ARID5B: variants seen among roughly 807,000 people sequenced by gnomAD.
The protein encoded by ARID5B is AT-rich interaction domain 5B, also known as AT-rich interactive domain-containing protein 5B.
ARID5B carries 13 observed loss-of-function variants against 97.2 expected under a neutral mutation model. The observed-to-expected ratio is 0.13, with a 90% CI of 0.09 to 0.21. The LOEUF (loss-of-function observed/expected upper bound fraction) is 0.21, where lower values mean the gene tolerates loss of function less well. ARID5B is among the 10% of genes least tolerant of loss of function. The pLI is 1.00. For missense variants in ARID5B, 1,210 were observed against 1,465.3 expected, an observed-to-expected ratio of 0.83 and a Z score of 2.84; for synonymous variants, 556 against 570.3, an observed-to-expected ratio of 0.97 and a Z score of 0.36.
At position 62,092,458 on chromosome 10, in the gene ARID5B, C is replaced by G; in HGVS notation, c.2995C>G (p.Arg999Gly). ...AGGCATGGTCCACCCAATCCTGCAC[C>G]GGAAAATGAGCCCGCAGAACATTGG... ...MEGMVHPILH[R>G]KMSPQNIGAA... Residue 999 changes from arginine to glycine, a missense_variant, in exon 10 of 10, where the codon CGG (arginine) becomes GGG (glycine). Transcript: ENST00000279873. 2 of 1,614,172 alleles carry G rather than the reference C, an allele frequency of 1.2e-6. No homozygotes were observed. Among genetic ancestry groups the G allele is most frequent in the East Asian group, 2.2e-5 (1 of 44,886 alleles).
At chr10:62,069,975 CA>C (rs1433380678) in intron 8 of ARID5B, among the ~76,000 whole-genome samples, 178 bp downstream of exon 8, 3 of 151,456 alleles carry the variant, frequency 2.0e-5, no homozygotes. Flanking sequence ...TCTCTTGTTA[CA>C]GGGGCTAAAA....
At chr10:61,951,759 G>T (rs774143561) in intron 3 of ARID5B, among the ~76,000 whole-genome samples, 1 of 152,186 alleles carries the variant, frequency 6.6e-6, no homozygotes, top group Non-Finnish European at 1.5e-5. Flanking sequence ...ATGAATGCAT[G>T]TATCAGTGAG....
intron 8 of ARID5B, among the ~76,000 whole-genome samples, chr10:62,082,389 C>G (rs183460790): frequency 4.5e-4 from 68 of 152,304 alleles, no homozygotes; most frequent in African/African-American, 1.6e-3. Flanking sequence ...TATTGCTTCT[C>G]TTCCCCATTA....
In ARID5B at chr10:62,021,029, AATATATATATATATAT is replaced by A. The variant is rs10528323; in HGVS notation, c.733+20733_733+20748del. 1.8e-3 allele frequency among the ~76,000 whole-genome samples: 187 copies of A among 106,846 alleles called. 3 individuals carry two copies. Among genetic ancestry groups the A allele is most frequent in the South Asian group, 6.2e-3 (18 of 2,902 alleles). 70.1% of individuals were successfully genotyped at this position (106,846 alleles called of 152,430 possible). A position where few individuals can be genotyped will look rare whatever the true frequency, so the allele number is the denominator to read the frequency against. On this transcript the variant is annotated intron_variant, in intron 4 of 9. Coordinates refer to ENST00000279873, the MANE Select transcript of ARID5B (RefSeq NM_032199.3). Reference sequence around the variant, plus strand: ...ACTGGGATCATGGGTTTGTCACATGAATATATATATATATATATATATATATATATATATATATATC... The same window carrying A: ...ACTGGGATCATGGGTTTGTCACATGAATATATATATATATATATATATATC...
In ARID5B at chr10:62,000,461, A is replaced by G. The variant is rs1839062248; in HGVS notation, c.733+140A>G. On this transcript the variant is annotated intron_variant, in intron 4 of 9. Coordinates refer to ENST00000279873, the MANE Select transcript of ARID5B (RefSeq NM_032199.3). The surrounding 1 kb of genome is among the most constrained non-coding windows in gnomAD (Gnocchi z 4.4). Reference sequence around the variant, plus strand: ...CTGCCCCACCCCTCCCATCCCCCAAATTATTGCGGCATAAGGCGTCATTGC... The same window carrying G: ...CTGCCCCACCCCTCCCATCCCCCAAGTTATTGCGGCATAAGGCGTCATTGC... 1.4e-6 allele frequency: 1 copy of G among 727,934 alleles called. No individual in the cohort carries two copies. The highest frequency in any genetic ancestry group is 1.8e-5 in the African/African-American group (1 of 55,946). 45.1% of individuals were successfully genotyped at this position (727,934 alleles called of 1,614,324 possible).
At chr10:61,992,741 T>A (rs1838943890) in intron 3 of ARID5B, among the ~76,000 whole-genome samples, 1 of 152,204 alleles carries the variant, frequency 6.6e-6, no homozygotes, top group Non-Finnish European at 1.5e-5. Context: ...GCCAATCTCC[T>A]TGTTCTGTTA....
At chr10:61,994,594 C>T (rs1038169737) in intron 3 of ARID5B, among the ~76,000 whole-genome samples, 3 of 152,170 alleles carry the variant, frequency 2.0e-5, no homozygotes, top group Non-Finnish European at 2.9e-5. Context: ...AAGGCCTGCT[C>T]TTACCCTTTC....
intron 3 of ARID5B, among the ~76,000 whole-genome samples, chr10:61,956,576 C>T (rs1212416329): frequency 1.3e-5 from 2 of 152,228 alleles, no homozygotes; most frequent in African/African-American, 4.8e-5. Flanking sequence ...TCAGCACTCT[C>T]TGTCCCCACT....
chr10:61,917,734 G>C (rs934862349), intron 2 of ARID5B, among the ~76,000 whole-genome samples: 1 of 152,156 alleles, frequency 6.6e-6, no homozygotes, highest in African/African-American at 2.4e-5. Flanking sequence ...AAGAACCGTT[G>C]GTCCCAAAGG....
intron 3 of ARID5B, among the ~76,000 whole-genome samples, chr10:61,974,094 AATTTAGCCTC>A (rs1838667627): frequency 6.6e-6 from 1 of 152,214 alleles, no homozygotes; most frequent in Non-Finnish European, 1.5e-5. Context: ...ACTTTGGCTA[AATTTAGCCTC>A]TGGAGTCCAA....
chr10:62,057,431 C>T, intron 6 of ARID5B, 113 bp downstream of exon 6: 1 of 1,075,774 alleles, frequency 9.3e-7, no homozygotes, highest in Non-Finnish European at 1.3e-6. Flanking sequence ...GGATAGTGCT[C>T]TCTGTTTATA....
At chr10:61,971,481 T>C (rs1468286594) in intron 3 of ARID5B, among the ~76,000 whole-genome samples, 1 of 152,360 alleles carries the variant, frequency 6.6e-6, no homozygotes, top group East Asian at 1.9e-4. Flanking sequence ...ATTCTAATAA[T>C]GCAAAGTCAG....
At position 61,910,737 on chromosome 10, in the gene ARID5B, A is replaced by G. The variant is rs76494701; in HGVS notation, c.276+8324A>G. Among the ~76,000 whole-genome samples the G allele has an allele frequency of 7.4e-3, 1,131 of 152,350 alleles. 12 individuals are homozygous for G. Among genetic ancestry groups the G allele is most frequent in the African/African-American group, 0.026 (1,077 of 41,580 alleles). On this transcript the variant is annotated intron_variant, in intron 2 of 9. Transcript: ENST00000279873. ...TGCTAATGGCATCAATCTCTCGCAC[A>G]CACTTGGGTAAATTAATTCTGCTTT...
chr10:62,074,502 A>G (rs1040638778), intron 8 of ARID5B, among the ~76,000 whole-genome samples: 1 of 152,176 alleles, frequency 6.6e-6, no homozygotes, highest in Non-Finnish European at 1.5e-5. Context: ...GGTATAAGGT[A>G]GAGTGTGGGA....
chr10:61,917,163 TAAA>T (rs3051550), intron 2 of ARID5B, among the ~76,000 whole-genome samples: 29 of 139,446 alleles, frequency 2.1e-4, no homozygotes, highest in Admixed American at 2.9e-4. Flanking sequence ...CTGTTTCTAG[TAAA>T]AAAAAAAAAA....
chr10:61,950,496 T>C (rs1321526873), intron 3 of ARID5B, among the ~76,000 whole-genome samples: 1 of 152,168 alleles, frequency 6.6e-6, no homozygotes, highest in African/African-American at 2.4e-5. Flanking sequence ...TAGTGAGACC[T>C]GTCTCTGCAA....
chr10:62,005,468 G>C (rs1839134608), intron 4 of ARID5B, among the ~76,000 whole-genome samples: 3 of 152,168 alleles, frequency 2.0e-5, no homozygotes. Flanking sequence ...AAATGATCTT[G>C]TTTTTCAATC....
chr10:62,092,937 G>A lies in ARID5B; in HGVS notation c.3474G>A (p.Leu1158=), dbSNP rs776448983. 6.2e-7 allele frequency: 1 copy of A among 1,614,162 alleles called. No individual in the cohort carries two copies. Residue 1158 remains leucine (L), a synonymous_variant, in exon 10 of 10, where the codon TTG becomes TTA. Transcript: ENST00000279873. The part of the protein sequence containing the change: ...TPVGSSYGDL[L]HNSIYPLAAI... Reference sequence around the variant, plus strand: ...TAGGAAGTTCATATGGGGACCTTTTGCATAACAGCATTTACCCTTTAGCTG... The same window carrying A: ...TAGGAAGTTCATATGGGGACCTTTTACATAACAGCATTTACCCTTTAGCTG...
At chr10:61,971,962 T>C (rs1262270742) in intron 3 of ARID5B, among the ~76,000 whole-genome samples, 1 of 152,210 alleles carries the variant, frequency 6.6e-6, no homozygotes, top group Non-Finnish European at 1.5e-5. Context: ...CATCCAACGC[T>C]GAAGAACTTA....
Sources: allele counts gnomAD v4.1 joint callset (sites outside exome capture counted in the v4.1 genomes callset), GRCh38; gene constraint gnomAD v4.1.1; non-coding constraint Gnocchi (gnomAD v3.1); transcripts MANE v1.5; gene names NCBI Gene and HGNC (gene_info 2026-07-23, HGNC 2026-07-21).